The following ITIH3 variants were observed in gnomAD, a reference collection of about 807,000 sequenced individuals.
ITIH3 encodes inter-alpha-trypsin inhibitor heavy chain H3.
Under a neutral mutation model 96.5 loss-of-function variants are expected in ITIH3, and 81 were observed. The ratio of observed to expected loss-of-function variants is 0.84; its 90% CI spans 0.70 to 1.01. The LOEUF (loss-of-function observed/expected upper bound fraction) is 1.01. Among genes scored for constraint, ITIH3 ranks in the 50% least tolerant of loss-of-function variants. The probability of loss-of-function intolerance (pLI) is 0.00; values close to 1 mark genes in which losing one functional copy is unlikely to be tolerated. For missense variants in ITIH3, 1,057 were observed against 1,139.3 expected (o/e 0.93, Z 1.04); for synonymous variants, 422 against 445.2 (o/e 0.95, Z 0.66).
chr3:52,806,928 G>C lies in ITIH3; in HGVS notation c.2084G>C (p.Gly695Ala). ...CTCACAGTTAATGGGCAGATCACTG[G>C]CGACAAGAGAGGCAGCCCTGACTCC... Reference protein sequence around the residue: ...TGLTVNGQITGDKRGSPDSKT... With the variant: ...TGLTVNGQITADKRGSPDSKT... The change falls in exon 19 of 22, where the codon GGC becomes GCC. Residue 695 changes from glycine (G) to alanine (A), a missense_variant. Transcript: ENST00000449956. 6.3e-7 allele frequency: 1 copy of C among 1,590,530 alleles called. No homozygotes were observed. The highest frequency in any genetic ancestry group is 8.6e-7 in the Non-Finnish European group (1 of 1,168,426).
chr3:52,796,585 G>C lies in ITIH3; in HGVS notation c.219G>C (p.Thr73=). ...TGAGAGCCGTCAACCGTGCAGACACGGCCAAGGAGGTTTCCTTTGATGTGG... is the reference window on the plus strand; with the variant it reads ...TGAGAGCCGTCAACCGTGCAGACACCGCCAAGGAGGTTTCCTTTGATGTGG... ...VTMRAVNRAD[T]AKEVSFDVEL... is the part of the protein sequence containing the mutation. The change falls in exon 3 of 22, where the codon ACG becomes ACC. Residue 73 remains threonine, a synonymous_variant. Coordinates refer to ENST00000449956, the MANE Select transcript of ITIH3 (RefSeq NM_002217.4). 6.2e-7 allele frequency: 1 copy of C among 1,613,366 alleles called. No individual in the cohort carries two copies. Among genetic ancestry groups the C allele is most frequent in the Non-Finnish European group, 8.5e-7 (1 of 1,179,622 alleles).
chr3:52,800,826 T>G, intron 10 of ITIH3, 139 bp from the exon 11 acceptor site: 1 of 1,456,810 alleles, frequency 6.9e-7, no homozygotes, highest in Non-Finnish European at 9.4e-7. Flanking sequence ...GCCAGGGCTC[T>G]CCACCACCTG....
chr3:52,803,774 C>T (rs1029072782), intron 13 of ITIH3, 81 bp from the exon 14 acceptor site: 50 of 1,499,544 alleles, frequency 3.3e-5, no homozygotes, highest in Non-Finnish European at 4.4e-5. Context: ...GGATCCCCAG[C>T]TGTGTCCACT....
chr3:52,808,730 T>C lies in ITIH3; in HGVS notation c.*49T>C. Reference sequence around the variant, plus strand: ...GATGGATGGCCCGGATTTTATGGCATCTGGAACATGGGCACAGAGAGGGGC... The same window carrying C: ...GATGGATGGCCCGGATTTTATGGCACCTGGAACATGGGCACAGAGAGGGGC... On this transcript the variant is annotated 3_prime_UTR_variant, in exon 22 of 22. Transcript: ENST00000449956. 6.3e-7 allele frequency: 1 copy of C among 1,588,264 alleles called. No individual in the cohort carries two copies. Among genetic ancestry groups the C allele is most frequent in the Non-Finnish European group, 8.6e-7 (1 of 1,158,696 alleles).
rs1379704974 is a variant in ITIH3 at position 52,795,716 on chromosome 3, C to T, written c.114+93C>T. The stretch of plus-strand genomic sequence containing the variant: ...TGAAGGTGTAGGCTATAACAGCTGA[C>T]TCCTCACAGCTGGCAAACAGCTTAC... On this transcript the variant is annotated intron_variant, in intron 2 of 21. Transcript: ENST00000449956. 3.2e-6 allele frequency: 4 copies of T among 1,241,438 alleles called. No individual in the cohort carries two copies. In the African/African-American group the frequency reaches 5.9e-5, roughly 18 times the overall value. 76.9% of individuals were successfully genotyped at this position (1,241,438 alleles called of 1,614,324 possible). A position where few individuals can be genotyped will look rare whatever the true frequency, so the allele number is the denominator to read the frequency against.
intron 13 of ITIH3, among the ~76,000 whole-genome samples, chr3:52,803,328 T>A (rs57442822): frequency 0.023 from 3,012 of 131,696 alleles, 103 homozygotes; most frequent in African/African-American, 0.096. Flanking sequence ...TATTATTATT[T>A]TTTTTTTTGA....
In ITIH3 at chr3:52,796,563, G is replaced by A; in HGVS notation, c.197G>A (p.Arg66Lys). 5.6e-6 allele frequency: 9 copies of A among 1,613,684 alleles called. No homozygotes were observed. Among genetic ancestry groups the A allele is most frequent in the Non-Finnish European group, 7.6e-6 (9 of 1,179,778 alleles). The change falls in exon 3 of 22, where the codon AGA becomes AAA. Residue 66 changes from arginine to lysine, a missense_variant. By Grantham distance (26) the Arg-to-Lys change is conservative (BLOSUM62 2). Transcript: ENST00000449956. ...TTTGCTCACAATGTTGTCACCATGA[G>A]AGCCGTCAACCGTGCAGACACGGCC... ...SRFAHNVVTM[R>K]AVNRADTAKE...
rs1699748739 is a variant in ITIH3 at position 52,799,800 on chromosome 3, C to T, written c.954C>T (p.Asp318=). 5.6e-6 allele frequency: 9 copies of T among 1,613,640 alleles called. No individual in the cohort carries two copies. The East Asian group carries it at 2.0e-4, about 36-fold the overall frequency. The change falls in exon 9 of 22, where the codon GAC becomes GAT. Residue 318 remains aspartate (D), a synonymous_variant. Coordinates refer to ENST00000449956, the MANE Select transcript of ITIH3 (RefSeq NM_002217.4). ...TCCTGGAAGATATGCAAGAGGAAGA[C>T]TATCTGAATTTCATCCTGTTCAGTG... The part of the protein sequence containing the change: ...LRILEDMQEE[D]YLNFILFSGD...
At chr3:52,795,849 A>T in intron 2 of ITIH3, 1 of 539,810 alleles carries the variant, frequency 1.9e-6, no homozygotes, top group Non-Finnish European at 3.3e-6. Flanking sequence ...GGCCCCTCAC[A>T]GGCATCCCTT....
At chr3:52,795,511 C>T in intron 1 of ITIH3, 92 bp from the exon 2 acceptor site, 3 of 1,405,160 alleles carry the variant, frequency 2.1e-6, no homozygotes, top group Non-Finnish European at 2.9e-6. Context: ...ACCACTGAAC[C>T]CCTGGTCTCA....
chr3:52,805,797 C>A lies in ITIH3; in HGVS notation c.1874-11C>A. ...CTAGACCCTGCTCACCACTGCCCTT[C>A]GGCTTTTCAGCCACACCGGTGAGCC... On this transcript the variant is annotated splice_polypyrimidine_tract_variant and intron_variant, in intron 15 of 21. Transcript: ENST00000449956. 6 of 1,613,794 alleles carry A rather than the reference C, an allele frequency of 3.7e-6. No individual in the cohort carries two copies. Among genetic ancestry groups the A allele is most frequent in the Non-Finnish European group, 5.1e-6 (6 of 1,179,800 alleles).
intron 12 of ITIH3, 50 bp downstream of exon 12, chr3:52,802,569 T>C (rs1354997266): frequency 3.1e-6 from 5 of 1,610,316 alleles, no homozygotes; most frequent in African/African-American, 1.3e-5. Flanking sequence ...GTATCAGCAG[T>C]GGTAGGGCTC....
intron 6 of ITIH3, among the ~76,000 whole-genome samples, chr3:52,798,326 C>T (rs1371569041): frequency 2.0e-5 from 3 of 152,168 alleles, no homozygotes; most frequent in Non-Finnish European, 4.4e-5. Flanking sequence ...GACTCCAGTC[C>T]CCAAGGCTCC....
intron 4 of ITIH3, 98 bp from the exon 5 acceptor site, chr3:52,797,007 G>A: frequency 7.0e-7 from 1 of 1,421,244 alleles, no homozygotes; most frequent in Admixed American, 2.1e-5. Flanking sequence ...GAATGGTTAG[G>A]GATCTCCCTC....
intron 11 of ITIH3, 23 bp from the exon 12 acceptor site, chr3:52,802,311 G>A (rs1699861202): frequency 1.9e-6 from 3 of 1,612,002 alleles, no homozygotes; most frequent in Non-Finnish European, 2.5e-6. Flanking sequence ...GGCTTGAGAT[G>A]ACTGGCCCCG....
chr3:52,797,541 G>A (rs1578752539), intron 5 of ITIH3, among the ~76,000 whole-genome samples: 1 of 152,230 alleles, frequency 6.6e-6, no homozygotes, highest in Non-Finnish European at 1.5e-5. Flanking sequence ...CTGGGCACAT[G>A]GGCATTTTTC....
At chr3:52,805,994 G>A in intron 16 of ITIH3, 109 bp from the exon 17 acceptor site, 1 of 1,494,300 alleles carries the variant, frequency 6.7e-7, no homozygotes, top group Non-Finnish European at 9.1e-7. Context: ...AATGGCATTA[G>A]CGAGCGGGAA....
At chr3:52,801,830 T>C (rs1415452133) in intron 11 of ITIH3, among the ~76,000 whole-genome samples, 1 of 152,248 alleles carries the variant, frequency 6.6e-6, no homozygotes, top group Non-Finnish European at 1.5e-5. Flanking sequence ...CATTGTTTAT[T>C]TGACCTTCAA....
chr3:52,802,504 T>G lies in ITIH3; in HGVS notation c.1554T>G (p.Asp518Glu), dbSNP rs768875683. The G allele has an allele frequency of 6.2e-7, 1 of 1,613,830 alleles. No individual in the cohort carries two copies. The highest frequency in any genetic ancestry group is 1.1e-5 in the South Asian group (1 of 91,074). ...AGGACATGAACAGCTTTAAGGCAGATGTGAAGGGCCATGGGGTGAGTGGGG... is the reference window on the plus strand; with the variant it reads ...AGGACATGAACAGCTTTAAGGCAGAGGTGAAGGGCCATGGGGTGAGTGGGG... ...VDEDMNSFKA[D>E]VKGHGATNDL... is the part of the protein sequence containing the mutation. Residue 518 changes from aspartate (D) to glutamate (E), a missense_variant, in exon 12 of 22, where the codon GAT becomes GAG. Asp to Glu is a conservative substitution (Grantham distance 45). Coordinates refer to ENST00000449956, the MANE Select transcript of ITIH3 (RefSeq NM_002217.4).
Sources: gnomAD v4.1 joint callset for allele counts (sites outside exome capture counted in the v4.1 genomes callset) on GRCh38, gnomAD v4.1.1 for gene constraint, MANE v1.5 for transcripts, NCBI Gene and HGNC (gene_info 2026-07-23, HGNC 2026-07-21) for gene names.